DLGAP4: variants seen among roughly 807,000 people sequenced by gnomAD.
The protein encoded by DLGAP4 is disks large-associated protein 4.
Under a neutral mutation model 86.9 loss-of-function variants are expected in DLGAP4, and 18 were observed. The observed-to-expected ratio is 0.21, with a 90% CI of 0.14 to 0.31. DLGAP4 has a LOEUF of 0.31. Ranked by LOEUF, DLGAP4 falls within the 10% of genes least tolerant of loss-of-function variation. The probability of loss-of-function intolerance (pLI) is 1.00; values close to 1 mark genes in which losing one functional copy is unlikely to be tolerated. For synonymous variants in DLGAP4, 548 were observed against 574.3 expected (o/e 0.95, Z 0.65); for missense variants, 1,085 against 1,362.6 (o/e 0.80, Z 3.21).
chr20:36,322,593 G>A (rs1208967163), intron 1 of DLGAP4, among the ~76,000 whole-genome samples: 1 of 152,178 alleles, frequency 6.6e-6, no homozygotes, highest in Non-Finnish European at 1.5e-5. Context: ...GTGGCACACA[G>A]CAAGTGCTTA....
intron 1 of DLGAP4, among the ~76,000 whole-genome samples, chr20:36,351,648 C>T (rs965182677): frequency 6.6e-6 from 1 of 152,030 alleles, no homozygotes; most frequent in South Asian, 2.1e-4. Context: ...TTGAATCATC[C>T]GGAAACCAGC....
At chr20:36,513,804 G>A (rs1237512990) in intron 10 of DLGAP4, among the ~76,000 whole-genome samples, 1 of 152,182 alleles carries the variant, frequency 6.6e-6, no homozygotes, top group Non-Finnish European at 1.5e-5. Context: ...TCTGAGTGAA[G>A]AAGAGGATGG....
At chr20:36,499,535 T>G in intron 8 of DLGAP4, 53 bp from the exon 9 acceptor site, 1 of 1,569,584 alleles carries the variant, frequency 6.4e-7, no homozygotes, top group South Asian at 1.1e-5. Context: ...TGGTGTTTGT[T>G]TTTTATTTTT....
At position 36,500,602 on chromosome 20, in the gene DLGAP4, T is replaced by G; in HGVS notation, c.2503T>G (p.Ser835Ala). 1 of 1,492,434 alleles carries G rather than the reference T, an allele frequency of 6.7e-7. No individual in the cohort carries two copies. The highest frequency in any genetic ancestry group is 8.9e-7 in the Non-Finnish European group (1 of 1,120,738). The allele number at this position is 1,492,434 out of a possible 1,614,324, so 92.4% of individuals were successfully genotyped here. Residue 835 changes from serine to alanine, a missense_variant, in exon 10 of 13, where the codon TCT (serine) becomes GCT (alanine). Around this residue, in one of 2 missense-constraint regions of DLGAP4, gnomAD observed 1,082 missense variants for 1,344.1 expected, o/e 0.81. Transcript: ENST00000339266. The surrounding 1 kb of genome is among the most constrained non-coding windows in gnomAD (Gnocchi z 4.6). ...CAAGGAGACCAAAGAGAACAACCTC[T>G]CTGAAGAAGGTGGGTGCCACATGGA... ...MDKETKENNL[S>A]EEVLGKVLSA...
chr20:36,419,517 G>A (rs577975849), intron 2 of DLGAP4, among the ~76,000 whole-genome samples: 1 of 152,236 alleles, frequency 6.6e-6, no homozygotes, highest in Admixed American at 6.5e-5. Context: ...AGCTTCTAGG[G>A]GTCAGGAATC....
rs1172021782 is a variant in DLGAP4 at position 36,432,487 on chromosome 20, C to G, written c.770C>G (p.Thr257Ser). 6.2e-7 allele frequency: 1 copy of G among 1,613,498 alleles called. No individual in the cohort carries two copies. The highest frequency in any genetic ancestry group is 8.5e-7 in the Non-Finnish European group (1 of 1,180,032). Residue 257 changes from threonine to serine, a missense_variant, in exon 3 of 13, where the codon ACC becomes AGC. Thr to Ser is a moderately conservative substitution (Grantham distance 58). Coordinates refer to ENST00000339266, the MANE Select transcript of DLGAP4 (RefSeq NM_001365621.2). This position sits in a 1 kb window ranked among gnomAD's most constrained non-coding sequence, Gnocchi z 6.5. Reference sequence around the variant, plus strand: ...ATCAGTGGGCACATGCTCAAAACCACCAAGAACAACACTACTGAGCTGACT... The same window carrying G: ...ATCAGTGGGCACATGCTCAAAACCAGCAAGAACAACACTACTGAGCTGACT... ...NTISGHMLKT[T>S]KNNTTELTAP... is the part of the protein sequence containing the mutation.
chr20:36,328,128 G>A (rs549496273), intron 1 of DLGAP4, among the ~76,000 whole-genome samples: 1 of 152,112 alleles, frequency 6.6e-6, no homozygotes, highest in African/African-American at 2.4e-5. Context: ...GAACCTGGGA[G>A]GTGGAGGTTG....
At chr20:36,401,630 G>A (rs1056244141) in intron 2 of DLGAP4, among the ~76,000 whole-genome samples, 2 of 152,240 alleles carry the variant, frequency 1.3e-5, no homozygotes, top group Non-Finnish European at 2.9e-5. Context: ...CGTGGTTAGC[G>A]TTGGGGACAC....
At chr20:36,518,662 T>C (rs1411979791) in intron 10 of DLGAP4, among the ~76,000 whole-genome samples, 2 of 152,164 alleles carry the variant, frequency 1.3e-5, no homozygotes, top group Admixed American at 1.3e-4. Flanking sequence ...TACTGGTTTC[T>C]AACCTATTTA....
At position 36,499,603 on chromosome 20, in the gene DLGAP4, C is replaced by T. The variant is rs749810516; in HGVS notation, c.2026C>T (p.Pro676Ser). Reference sequence around the variant, plus strand: ...CTTCAATAAGGTTGACTGCATTCAGCCAGTGCCAAAAGAGGAGCCCAGTCC... The same window carrying T: ...CTTCAATAAGGTTGACTGCATTCAGTCAGTGCCAAAAGAGGAGCCCAGTCC... Reference protein sequence around the residue: ...SIGIQVDCIQPVPKEEPSPAT... With the variant: ...SIGIQVDCIQSVPKEEPSPAT... The change falls in exon 9 of 13, where the codon CCA (proline) becomes TCA (serine). Residue 676 changes from proline (P) to serine (S), a missense_variant. By Grantham distance (74) the Pro-to-Ser change is moderately conservative. This residue lies in a region of DLGAP4 where 1,082 missense variants were observed against 1,344.1 expected (regional missense o/e 0.81). Coordinates refer to ENST00000339266, the MANE Select transcript of DLGAP4 (RefSeq NM_001365621.2). 6.8e-6 allele frequency: 11 copies of T among 1,614,006 alleles called. No homozygotes were observed. The highest frequency in any genetic ancestry group is 5.5e-5 in the South Asian group (5 of 91,016).
intron 1 of DLGAP4, among the ~76,000 whole-genome samples, chr20:36,360,312 C>T (rs917204271): frequency 4.6e-5 from 7 of 152,178 alleles, no homozygotes; most frequent in Non-Finnish European, 2.9e-5. Flanking sequence ...GCCCCTGACC[C>T]GGTCCTCCAG....
At chr20:36,452,409 G>A (rs1383659842) in intron 7 of DLGAP4, among the ~76,000 whole-genome samples, 2 of 151,980 alleles carry the variant, frequency 1.3e-5, no homozygotes. Context: ...TGAACTCCTG[G>A]GCTCAAGTGA....
intron 2 of DLGAP4, among the ~76,000 whole-genome samples, chr20:36,378,472 C>T (rs1049851716): frequency 3.3e-5 from 5 of 152,156 alleles, no homozygotes; most frequent in African/African-American, 1.2e-4. Context: ...TCCTTTCCTA[C>T]AGCTGTGGCT....
intron 7 of DLGAP4, among the ~76,000 whole-genome samples, chr20:36,476,207 A>G (rs888142176): frequency 1.3e-5 from 2 of 151,380 alleles, no homozygotes; most frequent in African/African-American, 4.9e-5. Context: ...CCATTGTTGT[A>G]TAGCCATCAT....
chr20:36,509,514 T>TGAGCC (rs1276100294), intron 10 of DLGAP4, among the ~76,000 whole-genome samples: 1 of 151,102 alleles, frequency 6.6e-6, no homozygotes, highest in Non-Finnish European at 1.5e-5. Flanking sequence ...GAGGTTGCAC[T>TGAGCC]GAGCCGAGAT....
intron 7 of DLGAP4, 35 bp downstream of exon 7, chr20:36,446,972 T>G: frequency 1.3e-6 from 2 of 1,568,724 alleles, no homozygotes; most frequent in Non-Finnish European, 1.7e-6. Flanking sequence ...GTTTTTTTTC[T>G]TTTCAAGGGG....
rs1350728071 is a variant in DLGAP4 at position 36,525,252 on chromosome 20, AAAC to A, written c.2605-596_2605-594del. 3.4e-3 allele frequency among the ~76,000 whole-genome samples: 208 copies of A among 60,478 alleles called. 51 individuals carry two copies. Among genetic ancestry groups the A allele is most frequent in the Non-Finnish European group, 7.9e-3 (152 of 19,340 alleles). The allele number at this position is 60,478 out of a possible 152,430, so 39.7% of individuals were successfully genotyped here. On this transcript the variant is annotated intron_variant, in intron 11 of 12. Transcript: ENST00000339266. ...AAAAAAAAAAAAAAAAAAAAAAAAAAAACAAAGAAATCCCACTGCTGGGATTGG... is the reference window on the plus strand; with the variant it reads ...AAAAAAAAAAAAAAAAAAAAAAAAAAAAAGAAATCCCACTGCTGGGATTGG...
chr20:36,496,776 A>G lies in DLGAP4; in HGVS notation c.1720A>G (p.Ile574Val), dbSNP rs1600653333. 1 of 1,614,156 alleles carries G rather than the reference A, an allele frequency of 6.2e-7. No homozygotes were observed. The change falls in exon 8 of 13, where the codon ATC becomes GTC. Residue 574 changes from isoleucine to valine, a missense_variant. This residue lies in a region of DLGAP4 where 1,082 missense variants were observed against 1,344.1 expected (regional missense o/e 0.81). Transcript: ENST00000339266. ...VPPRTTSKPF[I>V]SVTVQSSTES... ...TCCACGCACCACTTCAAAGCCGTTC[A>G]TCTCAGTCACAGTCCAGAGCAGTAC...
intron 3 of DLGAP4, among the ~76,000 whole-genome samples, chr20:36,433,661 T>G (rs6012273): frequency 0.036 from 5,437 of 152,062 alleles, 353 homozygotes; most frequent in African/African-American, 0.12. Flanking sequence ...TTTTTTTTTT[T>G]TTAGACAGAG....
Sources: gnomAD v4.1 joint callset for allele counts (sites outside exome capture counted in the v4.1 genomes callset) on GRCh38, gnomAD v4.1.1 for gene constraint, gnomAD v4.1.1 regional missense constraint, Gnocchi (gnomAD v3.1) non-coding constraint, MANE v1.5 for transcripts, NCBI Gene and HGNC (gene_info 2026-07-23, HGNC 2026-07-21) for gene names.